EFCAB6: variants seen among roughly 807,000 people sequenced by gnomAD.
EFCAB6 encodes the protein EF-hand calcium-binding domain-containing protein 6.
Under a neutral mutation model 169.8 loss-of-function variants are expected in EFCAB6, and 156 were observed. The ratio of observed to expected loss-of-function variants is 0.92; its 90% CI spans 0.81 to 1.05. The LOEUF (loss-of-function observed/expected upper bound fraction) is 1.05. Ranked by LOEUF, EFCAB6 falls within the 50% of genes least tolerant of loss-of-function variation. The pLI is 0.00. For synonymous variants in EFCAB6, 698 were observed against 676.4 expected (o/e 1.03, Z -0.50); for missense variants, 1,800 against 1,829.1 (o/e 0.98, Z 0.29).
At chr22:43,720,216 A>C (rs1041613447) in intron 8 of EFCAB6, among the ~76,000 whole-genome samples, 4 of 152,152 alleles carry the variant, frequency 2.6e-5, no homozygotes, top group Non-Finnish European at 5.9e-5. Flanking sequence ...GGTTCAAGGA[A>C]AGGAAAGGAG....
chr22:43,764,883 A>G (rs1345220986), intron 5 of EFCAB6, among the ~76,000 whole-genome samples: 1 of 151,662 alleles, frequency 6.6e-6, no homozygotes, highest in South Asian at 2.1e-4. Context: ...TCATACAAAG[A>G]TCTTTTTTTA....
intron 25 of EFCAB6, among the ~76,000 whole-genome samples, chr22:43,578,729 G>T (rs1357951582): frequency 2.6e-5 from 4 of 151,456 alleles, no homozygotes; most frequent in African/African-American, 9.7e-5. Flanking sequence ...CATACACACA[G>T]GCATCATTCC....
At chr22:43,623,103 CG>C (rs1381326745) in intron 20 of EFCAB6, among the ~76,000 whole-genome samples, 1 of 152,136 alleles carries the variant, frequency 6.6e-6, no homozygotes, top group Non-Finnish European at 1.5e-5. Context: ...TGACACTGAT[CG>C]TATCAGCTGA....
At chr22:43,638,217 C>A (rs753436487) in intron 17 of EFCAB6, among the ~76,000 whole-genome samples, 4 of 152,192 alleles carry the variant, frequency 2.6e-5, no homozygotes, top group Non-Finnish European at 4.4e-5. Context: ...AACACAGCAG[C>A]AAATCAACCA....
chr22:43,738,561 A>C (rs1302698984), intron 6 of EFCAB6, among the ~76,000 whole-genome samples: 1 of 151,848 alleles, frequency 6.6e-6, no homozygotes, highest in Non-Finnish European at 1.5e-5. Context: ...ACTCACATGC[A>C]CACACACTTG....
At chr22:43,555,452 G>A (rs578019788) in intron 26 of EFCAB6, among the ~76,000 whole-genome samples, 3 of 152,326 alleles carry the variant, frequency 2.0e-5, no homozygotes, top group South Asian at 2.1e-4. Context: ...AACACAGTGC[G>A]AGCCTTCCCT....
chr22:43,551,409 G>A (rs12485149), intron 27 of EFCAB6, among the ~76,000 whole-genome samples: 9,641 of 152,280 alleles, frequency 0.063, 370 homozygotes, highest in Admixed American at 0.093. Flanking sequence ...GGCAAAGACC[G>A]CAATTACTTT....
chr22:43,560,608 A>C (rs2147116299), intron 26 of EFCAB6, among the ~76,000 whole-genome samples: 1 of 152,368 alleles, frequency 6.6e-6, no homozygotes, highest in East Asian at 1.9e-4. Flanking sequence ...TGGGGTGGCC[A>C]CTGCAGGCCT....
At position 43,542,935 on chromosome 22, in the gene EFCAB6, G is replaced by A. The variant is rs116014768; in HGVS notation, c.3649-2578C>T. Among the ~76,000 whole-genome samples the A allele has an allele frequency of 7.0e-3, 1,059 of 152,300 alleles. 9 individuals are homozygous for A. Among genetic ancestry groups the A allele is most frequent in the African/African-American group, 0.025 (1,025 of 41,560 alleles). On this transcript the variant is annotated intron_variant, in intron 27 of 31. Transcript: ENST00000262726. The stretch of plus-strand genomic sequence containing the variant: ...TCCACATCAGCGTGGTGAGGTCTGC[G>A]CACGCTCAATCATCCCGTCTCCTTG...
intron 21 of EFCAB6, among the ~76,000 whole-genome samples, chr22:43,614,177 C>CAA (rs56164555): frequency 6.2e-4 from 43 of 68,802 alleles, no homozygotes; most frequent in African/African-American, 2.9e-3. Flanking sequence ...CACAATACTG[C>CAA]AAAAAAAAAA....
At chr22:43,579,409 G>GGCATCATTCCCTACATGCAA (rs2050530863) in intron 25 of EFCAB6, among the ~76,000 whole-genome samples, 1 of 148,480 alleles carries the variant, frequency 6.7e-6, no homozygotes, top group African/African-American at 2.5e-5. Flanking sequence ...CCTGCATGCA[G>GGCATCATTCCCTACATGCAA]GCATCATTCT....
intron 27 of EFCAB6, among the ~76,000 whole-genome samples, chr22:43,547,951 C>G (rs137154): frequency 0.11 from 16,677 of 151,830 alleles, 1,153 homozygotes; most frequent in South Asian, 0.21. Flanking sequence ...ACAAAATTAG[C>G]TGGATGTGGT....
intron 20 of EFCAB6, among the ~76,000 whole-genome samples, chr22:43,617,396 G>A (rs1602637350): frequency 6.6e-6 from 1 of 152,180 alleles, no homozygotes; most frequent in East Asian, 1.9e-4. Context: ...TGATCTCATG[G>A]TCTAAACACA....
intron 23 of EFCAB6, among the ~76,000 whole-genome samples, chr22:43,591,134 T>C (rs1176233185): frequency 2.1e-5 from 3 of 144,378 alleles, no homozygotes; most frequent in African/African-American, 5.1e-5. Context: ...GTTTTTTTTT[T>C]GTTTTTTTTA....
intron 17 of EFCAB6, among the ~76,000 whole-genome samples, chr22:43,649,892 A>T (rs2056381432): frequency 6.6e-6 from 1 of 152,192 alleles, no homozygotes; most frequent in Admixed American, 6.5e-5. Context: ...GCAGACAGAG[A>T]AGCAAGTAAA....
intron 13 of EFCAB6, among the ~76,000 whole-genome samples, chr22:43,676,778 A>T (rs1017685658): frequency 3.9e-5 from 6 of 152,182 alleles, no homozygotes; most frequent in African/African-American, 1.4e-4. Flanking sequence ...GTATGCCATA[A>T]ACTCTTCCCA....
chr22:43,738,238 TCA>T (rs908699878), intron 6 of EFCAB6, among the ~76,000 whole-genome samples: 8 of 140,486 alleles, frequency 5.7e-5, no homozygotes, highest in East Asian at 4.3e-4. Flanking sequence ...ATTCACACCA[TCA>T]CACACACATA....
intron 22 of EFCAB6, among the ~76,000 whole-genome samples, chr22:43,607,755 T>C (rs889712928): frequency 4.0e-4 from 61 of 152,308 alleles, no homozygotes; most frequent in African/African-American, 1.3e-3. Context: ...CGTACGATGT[T>C]GGTATACCAT....
chr22:43,729,986 C>T (rs1211208384), intron 8 of EFCAB6, among the ~76,000 whole-genome samples: 2 of 151,044 alleles, frequency 1.3e-5, no homozygotes, highest in African/African-American at 4.9e-5. Context: ...CATAGTGAGA[C>T]CCTGTCTCTA....
Sources: gnomAD v4.1 joint callset for allele counts (sites outside exome capture counted in the v4.1 genomes callset) on GRCh38, gnomAD v4.1.1 for gene constraint, MANE v1.5 for transcripts, NCBI Gene and HGNC (gene_info 2026-07-23, HGNC 2026-07-21) for gene names.